The following UNKL variants were observed in gnomAD, a reference collection of about 807,000 sequenced individuals.
UNKL encodes putative E3 ubiquitin-protein ligase UNKL.
Under a neutral mutation model 78.0 loss-of-function variants are expected in UNKL, and 60 were observed. The ratio of observed to expected loss-of-function variants is 0.77; its 90% confidence interval spans 0.63 to 0.95. The LOEUF (loss-of-function observed/expected upper bound fraction) is 0.95, where lower values mean the gene tolerates loss of function less well. Ranked by LOEUF, UNKL falls within the 40% of genes least tolerant of loss-of-function variation. The pLI, the probability that UNKL is intolerant of heterozygous loss-of-function variation, is 0.00. For synonymous variants in UNKL, 608 were observed against 474.8 expected (o/e 1.28, Z -3.65); for missense variants, 1,159 against 1,045.7 (o/e 1.11, Z -1.49).
rs1012102962 is a variant in UNKL at position 1,394,002 on chromosome 16, C to A, written c.937+129G>T. ...CATGTCAGGGACCCCCAGCCCCCAACCACGGTGCTGAGCTCCTGCCCGCCT... is the reference window on the plus strand; with the variant it reads ...CATGTCAGGGACCCCCAGCCCCCAAACACGGTGCTGAGCTCCTGCCCGCCT... On this transcript the variant is annotated intron_variant, in intron 7 of 14. Coordinates refer to ENST00000389221, the MANE Select transcript of UNKL (RefSeq NM_001372107.1). 11 of 925,376 alleles carry A rather than the reference C, an allele frequency of 1.2e-5. No homozygotes were observed. The Admixed American group carries it at 1.5e-4, about 13-fold the overall frequency. 57.3% of individuals were successfully genotyped at this position (925,376 alleles called of 1,614,324 possible). A position where few individuals can be genotyped will look rare whatever the true frequency, so the allele number is the denominator to read the frequency against.
intron 2 of UNKL, among the ~76,000 whole-genome samples, chr16:1,409,506 A>G (rs1275285973): frequency 6.6e-6 from 1 of 152,182 alleles, no homozygotes; most frequent in Non-Finnish European, 1.5e-5. Context: ...TAAAATAAGG[A>G]AATTTCCTTA....
chr16:1,398,739 C>T, intron 5 of UNKL: 6 of 1,518,974 alleles, frequency 4.0e-6, no homozygotes, highest in South Asian at 1.2e-5. Flanking sequence ...AGGCCAGGCA[C>T]AACCAGAAGG....
Position 1,414,678 on chromosome 16 carries a change from G to A in UNKL, c.14C>T (p.Ser5Leu), listed in dbSNP as rs754823063. 1.9e-5 allele frequency: 22 copies of A among 1,149,444 alleles called. No homozygotes were observed. Among genetic ancestry groups the A allele is most frequent in the Non-Finnish European group, 2.3e-5 (21 of 922,400 alleles). 71.2% of individuals were successfully genotyped at this position (1,149,444 alleles called of 1,614,324 possible). Residue 5 changes from serine (S) to leucine (L), a missense_variant, in exon 1 of 15, where the codon TCG becomes TTG. Transcript: ENST00000389221. MPSV[S>L]KAAAAALSGS... ...GCTCAGCGCCGCTGCCGCCGCTTTC[G>A]AAACCGACGGCATTTTCAGTCAAAA...
chr16:1,366,487 T>C, intron 14 of UNKL, 92 bp from the exon 15 acceptor site: 1 of 1,411,778 alleles, frequency 7.1e-7, no homozygotes, highest in Non-Finnish European at 9.3e-7. Flanking sequence ...GGACTCAGCA[T>C]CTCAGGCCGC....
chr16:1,370,628 C>G (rs991063990), intron 11 of UNKL, among the ~76,000 whole-genome samples: 2 of 152,198 alleles, frequency 1.3e-5, no homozygotes, highest in East Asian at 1.9e-4. Flanking sequence ...GGGCCCCCCC[C>G]AAAGAGGCCG....
At chr16:1,404,911 A>C (rs1354591929) in intron 2 of UNKL, among the ~76,000 whole-genome samples, 1 of 152,142 alleles carries the variant, frequency 6.6e-6, no homozygotes, top group Non-Finnish European at 1.5e-5. Context: ...CTTAGAAGGA[A>C]GGACTGGCAC....
Position 1,370,012 on chromosome 16 carries a change from T to C in UNKL, c.1585+118A>G, listed in dbSNP as rs948127256. ...ACCTGTGAGCAGCAGGTCATGTGGT[T>C]TGCCACCACAGATAGGGCACAAGGT... On this transcript the variant is annotated intron_variant, in intron 12 of 14. Coordinates refer to ENST00000389221, the MANE Select transcript of UNKL (RefSeq NM_001372107.1). 7.1e-6 allele frequency: 11 copies of C among 1,551,100 alleles called. No individual in the cohort carries two copies. In the African/African-American group the frequency reaches 1.2e-4, roughly 17 times the overall value.
chr16:1,398,679 G>GCGGCCCCCCCCCC, intron 5 of UNKL: 1 of 1,356,342 alleles, frequency 7.4e-7, no homozygotes, highest in Non-Finnish European at 9.5e-7. Context: ...TGTGGGGTCT[G>GCGGCCCCCCCCCC]CACCCCCCCA....
chr16:1,386,735 G>A (rs1164012505), intron 9 of UNKL, among the ~76,000 whole-genome samples: 5 of 152,234 alleles, frequency 3.3e-5, no homozygotes, highest in East Asian at 3.9e-4. Flanking sequence ...AGAAATCCCC[G>A]ACAAGAACGC....
chr16:1,382,680 G>C (rs751962303), intron 10 of UNKL, among the ~76,000 whole-genome samples: 1 of 152,160 alleles, frequency 6.6e-6, no homozygotes, highest in Non-Finnish European at 1.5e-5. Flanking sequence ...AATGCAGGTC[G>C]GGCACAATGG....
rs57595079 is a variant in UNKL, at chr16:1,380,673, ATTTTTTT to A, written c.1264+4528_1264+4534del. Reference sequence around the variant, plus strand: ...TTCACCTCTGAGTAGCTGGTTCAGGATTTTTTTTTTTTTTTTTTTGAGAACAAGTCTC... The same window carrying A: ...TTCACCTCTGAGTAGCTGGTTCAGGATTTTTTTTTTTTGAGAACAAGTCTC... On this transcript the variant is annotated intron_variant, in intron 10 of 14. Transcript: ENST00000389221. Among the ~76,000 whole-genome samples the A allele has an allele frequency of 6.0e-5, 6 of 99,408 alleles. 1 individual carries two copies. The highest frequency in any genetic ancestry group is 2.4e-4 in the African/African-American group (6 of 24,742). 65.2% of individuals were successfully genotyped at this position (99,408 alleles called of 152,430 possible). A position where few individuals can be genotyped will look rare whatever the true frequency, so the allele number is the denominator to read the frequency against.
In UNKL at chr16:1,363,538, A is replaced by G; in HGVS notation, c.*2702T>C. On this transcript the variant is annotated 3_prime_UTR_variant, in exon 15 of 15. Transcript: ENST00000389221. ...GTCGAACACTAGAGTTACAGACGAC[A>G]GGCAACAAGAACATGCAGAGCCGGC... The G allele has an allele frequency of 4.0e-6, 1 of 251,036 alleles. No individual in the cohort carries two copies. The highest frequency in any genetic ancestry group is 4.0e-5 in the South Asian group (1 of 25,290). 15.6% of individuals were successfully genotyped at this position (251,036 alleles called of 1,614,324 possible). A position where few individuals can be genotyped will look rare whatever the true frequency, so the allele number is the denominator to read the frequency against.
intron 10 of UNKL, chr16:1,379,810 C>G: frequency 1.2e-5 from 8 of 667,780 alleles, no homozygotes; most frequent in African/African-American, 1.9e-5. Flanking sequence ...CGGGCGCACC[C>G]GGTCCCCGCG....
Position 1,397,257 on chromosome 16 carries a change from C to G in UNKL, c.773G>C (p.Trp258Ser), listed in dbSNP as rs1426978950. 3.9e-6 allele frequency: 6 copies of G among 1,540,882 alleles called. No individual in the cohort carries two copies. Among genetic ancestry groups the G allele is most frequent in the Admixed American group, 2.0e-5 (1 of 50,970 alleles). Residue 258 changes from tryptophan to serine, a missense_variant, in exon 6 of 15, where the codon TGG (tryptophan) becomes TCG (serine). By Grantham distance (177) the Trp-to-Ser change is radical. Transcript: ENST00000389221. Reference protein sequence around the residue: ...PCPSVKHGDEWGEPSRCDGGD... With the variant: ...PCPSVKHGDESGEPSRCDGGD... ...GCCATCGCAGCGTGAGGGTTCCCCCCACTCATCCCCGTGCTTCACACTGGG... is the reference window on the plus strand; with the variant it reads ...GCCATCGCAGCGTGAGGGTTCCCCCGACTCATCCCCGTGCTTCACACTGGG...
At chr16:1,385,718 C>T (rs552015129) in intron 9 of UNKL, among the ~76,000 whole-genome samples, 10 of 152,356 alleles carry the variant, frequency 6.6e-5, no homozygotes, top group Admixed American at 1.3e-4. Context: ...GCCAGGAGCC[C>T]GCCAGCCCGA....
At chr16:1,395,227 G>C (rs1280639750) in intron 6 of UNKL, among the ~76,000 whole-genome samples, 1 of 147,788 alleles carries the variant, frequency 6.8e-6, no homozygotes, top group Non-Finnish European at 1.5e-5. Context: ...GAGTACAATG[G>C]TGCCATCTTG....
chr16:1,391,551 A>C (rs1380129389), intron 8 of UNKL, among the ~76,000 whole-genome samples: 1 of 151,924 alleles, frequency 6.6e-6, no homozygotes, highest in Non-Finnish European at 1.5e-5. Flanking sequence ...GTCCCACCTC[A>C]GCCTCCCAAA....
intron 14 of UNKL, 113 bp from the exon 15 acceptor site, chr16:1,366,508 G>T: frequency 7.4e-7 from 1 of 1,344,764 alleles, no homozygotes; most frequent in Non-Finnish European, 9.8e-7. Context: ...CCGGCCACCA[G>T]CTACAGAGAC....
At chr16:1,389,003 G>A (rs1317376920) in intron 9 of UNKL, among the ~76,000 whole-genome samples, 1 of 152,184 alleles carries the variant, frequency 6.6e-6, no homozygotes, top group African/African-American at 2.4e-5. Flanking sequence ...TCCACCTCCA[G>A]AACTCCTCAT....
Sources: gnomAD v4.1 joint callset for allele counts (sites outside exome capture counted in the v4.1 genomes callset) on GRCh38, gnomAD v4.1.1 for gene constraint, MANE v1.5 for transcripts, NCBI Gene and HGNC (gene_info 2026-07-23, HGNC 2026-07-21) for gene names.